Variants in MUC4 observed in about 807,000 individuals in gnomAD.
MUC4 encodes mucin 4, cell surface associated.
A neutral mutation model predicts 257.9 loss-of-function variants in MUC4; 202 were observed. That is an observed-to-expected ratio of 0.78 (90% CI 0.70 to 0.88). The LOEUF (loss-of-function observed/expected upper bound fraction) is 0.88. MUC4 is among the 40% of genes least tolerant of loss of function. MUC4 has a pLI of 0.00. For missense variants in MUC4, 5,976 were observed against 6,513.7 expected (o/e 0.92, Z 2.84); for synonymous variants, 2,351 against 2,757.1 (o/e 0.85, Z 4.62).
At chr3:195,797,218 G>A (rs914880049) in intron 1 of MUC4, among the ~76,000 whole-genome samples, 1 of 151,934 alleles carries the variant, frequency 6.6e-6, no homozygotes, top group Non-Finnish European at 1.5e-5. Context: ...GCAGTGAGCC[G>A]AGATTGTGCC....
In MUC4 at chr3:195,780,858, A is replaced by G. The variant is rs1560313982; in HGVS notation, c.10722T>C (p.Leu3574=). The change falls in exon 2 of 25, where the codon CTT becomes CTC. Residue 3574 remains leucine, a synonymous_variant. Transcript: ENST00000463781. ...TGGTGTCACCTGTGGATACTGAGGA[A>G]AGGCTGGTGACAGGAAGAGGGGTGG... ...GQATPLPVTS[L]SSVSTGDTTP... is the part of the protein sequence containing the mutation. 2.7e-6 allele frequency: 4 copies of G among 1,473,542 alleles called. No homozygotes were observed. Among genetic ancestry groups the G allele is most frequent in the Non-Finnish European group, 3.6e-6 (4 of 1,104,292 alleles). 91.3% of individuals were successfully genotyped at this position (1,473,542 alleles called of 1,614,324 possible).
Position 195,753,285 on chromosome 3 carries a change from C to T in MUC4, c.15329-55G>A. The T allele has an allele frequency of 2.9e-5, 45 of 1,569,228 alleles. 1 individual carries two copies. Among genetic ancestry groups the T allele is most frequent in the Non-Finnish European group, 3.7e-5 (43 of 1,149,026 alleles). On this transcript the variant is annotated intron_variant, in intron 19 of 24. Transcript: ENST00000463781. ...GCGCGCAGGGCAGCAGAGGGACGGCCCAGCCCGTGGAAACCCGCTCCGGGA... is the reference window on the plus strand; with the variant it reads ...GCGCGCAGGGCAGCAGAGGGACGGCTCAGCCCGTGGAAACCCGCTCCGGGA...
At chr3:195,770,719 G>A (rs144257544) in intron 5 of MUC4, 5,377 of 420,874 alleles carry the variant, frequency 0.013, 67 homozygotes, top group South Asian at 0.034. Context: ...ACAGGCGTGA[G>A]TCTCTTCCTC....
chr3:195,778,709 C>T, intron 2 of MUC4, 81 bp downstream of exon 2: 1 of 1,437,308 alleles, frequency 7.0e-7, no homozygotes, highest in Non-Finnish European at 9.4e-7. Flanking sequence ...GCGAATGCAC[C>T]AGTGTTCTCA....
In MUC4 at chr3:195,779,479, G is replaced by T. The variant is rs1404540585; in HGVS notation, c.12101C>A (p.Pro4034His). 2.5e-4 allele frequency: 290 copies of T among 1,163,850 alleles called. 2 individuals are homozygous for T. Among genetic ancestry groups the T allele is most frequent in the East Asian group, 1.5e-3 (42 of 27,814 alleles). 72.1% of individuals were successfully genotyped at this position (1,163,850 alleles called of 1,614,324 possible). A position where few individuals can be genotyped will look rare whatever the true frequency, so the allele number is the denominator to read the frequency against. The stretch of plus-strand genomic sequence containing the variant: ...GGATGCTGAGGAAGTGCTGGTGACA[G>T]GAACAGGGGTGGCGTGACCTGTGGA... ...SASTGHATPV[P>H]VTSTSSASTG... The change falls in exon 2 of 25, where the codon CCT (proline) becomes CAT (histidine). Residue 4034 changes from proline (P) to histidine (H), a missense_variant. Pro to His is a moderately conservative substitution (Grantham distance 77). This residue lies in a region of MUC4 where 293 missense variants were observed against 294.5 expected (regional missense o/e 1.00). Coordinates refer to ENST00000463781, the MANE Select transcript of MUC4 (RefSeq NM_018406.7).
Position 195,786,954 on chromosome 3 carries a change from AGGGCTAGTGACAGGAAG to A in MUC4, c.4609_4625del (p.Leu1537PhefsTer7), listed in dbSNP as rs1732396694. The stretch of plus-strand genomic sequence containing the variant: ...TGGTGTCACCTGTGGATGCTGAGGA[AGGGCTAGTGACAGGAAG>A]AGGCATGGTGTCACCTGTGGATGCT... On this transcript the variant is annotated frameshift_variant, in exon 2 of 25. Coordinates refer to ENST00000463781, the MANE Select transcript of MUC4 (RefSeq NM_018406.7). LOFTEE classifies it high-confidence loss of function. 1 of 945,012 alleles carries A rather than the reference AGGGCTAGTGACAGGAAG, an allele frequency of 1.1e-6. No homozygotes were observed. 58.5% of individuals were successfully genotyped at this position (945,012 alleles called of 1,614,324 possible). A position where few individuals can be genotyped will look rare whatever the true frequency, so the allele number is the denominator to read the frequency against.
intron 1 of MUC4, among the ~76,000 whole-genome samples, chr3:195,811,410 G>A (rs1329753095): frequency 6.6e-6 from 1 of 151,908 alleles, no homozygotes; most frequent in African/African-American, 2.4e-5. Flanking sequence ...CTGACCTCAG[G>A]TGATCTCCTG....
At chr3:195,759,039 T>C in intron 17 of MUC4, 85 bp downstream of exon 17, 1 of 1,513,040 alleles carries the variant, frequency 6.6e-7, no homozygotes, top group Non-Finnish European at 9.0e-7. Flanking sequence ...TTGCTGGGTG[T>C]AGCAATGCAG....
At position 195,755,882 on chromosome 3, in the gene MUC4, C is replaced by T. The variant is rs556434776; in HGVS notation, c.15168+1265G>A. Among the ~76,000 whole-genome samples the T allele has an allele frequency of 9.2e-5, 14 of 151,922 alleles. No homozygotes were observed. The highest frequency in any genetic ancestry group is 3.9e-4 in the East Asian group (2 of 5,176). On this transcript the variant is annotated intron_variant, in intron 18 of 24. Transcript: ENST00000463781. The surrounding 1 kb of genome is among the most constrained non-coding windows in gnomAD (Gnocchi z 5.0). Reference sequence around the variant, plus strand: ...GTGTGTCTGTGTGTGCGTGTGCATGCGTGTGTGTGTAAGTGGTGAAGGAGG... The same window carrying T: ...GTGTGTCTGTGTGTGCGTGTGCATGTGTGTGTGTGTAAGTGGTGAAGGAGG...
chr3:195,746,885 CGTGTGTGT>C lies in MUC4; in HGVS notation c.*283_*290del, dbSNP rs71180950. Reference sequence around the variant, plus strand: ...TAGGGCCATCACCACATTATGAACTCGTGTGTGTGTGTGTGTGTGTGCACGCGCGCGTG... The same window carrying C: ...TAGGGCCATCACCACATTATGAACTCGTGTGTGTGTGTGCACGCGCGCGTG... On this transcript the variant is annotated 3_prime_UTR_variant, in exon 25 of 25. Transcript: ENST00000463781. 9 of 485,412 alleles carry C rather than the reference CGTGTGTGT, an allele frequency of 1.9e-5. No homozygotes were observed. Among genetic ancestry groups the C allele is most frequent in the Admixed American group, 1.1e-4 (3 of 26,772 alleles). 30.1% of individuals were successfully genotyped at this position (485,412 alleles called of 1,614,324 possible).
In MUC4 at chr3:195,746,875, A is replaced by G. The variant is rs566073506; in HGVS notation, c.*301T>C. The G allele has an allele frequency of 1.4e-4, 69 of 477,104 alleles. No individual in the cohort carries two copies. Among genetic ancestry groups the G allele is most frequent in the Middle Eastern group, 1.0e-3 (2 of 1,972 alleles). The allele number at this position is 477,104 out of a possible 1,614,324, so 29.6% of individuals were successfully genotyped here. A position where few individuals can be genotyped will look rare whatever the true frequency, so the allele number is the denominator to read the frequency against. On this transcript the variant is annotated 3_prime_UTR_variant, in exon 25 of 25. Coordinates refer to ENST00000463781, the MANE Select transcript of MUC4 (RefSeq NM_018406.7). The stretch of plus-strand genomic sequence containing the variant: ...TTGCTTAACTTAGGGCCATCACCAC[A>G]TTATGAACTCGTGTGTGTGTGTGTG...
chr3:195,789,627 G>T lies in MUC4; in HGVS notation c.1953C>A (p.Thr651=), dbSNP rs1447239060. Residue 651 remains threonine (T), a synonymous_variant, in exon 2 of 25, where the codon ACC becomes ACA. Coordinates refer to ENST00000463781, the MANE Select transcript of MUC4 (RefSeq NM_018406.7). ...CAGTCATGGGGGAGACGGACCTCGT[G>T]GTTTGTGATTCTTGTGTGGTCTGCG... ...QAPQTTQESQ[T]TRSVSPMTDT... The T allele has an allele frequency of 1.2e-6, 2 of 1,613,896 alleles. No homozygotes were observed. Among genetic ancestry groups the T allele is most frequent in the Admixed American group, 3.3e-5 (2 of 60,002 alleles).
At chr3:195,807,483 A>G (rs1292091032) in intron 1 of MUC4, among the ~76,000 whole-genome samples, 1 of 152,010 alleles carries the variant, frequency 6.6e-6, no homozygotes, top group African/African-American at 2.4e-5. Flanking sequence ...ACAAACAAAC[A>G]AACCCAAAAA....
chr3:195,806,406 C>G (rs1476555267), intron 1 of MUC4, among the ~76,000 whole-genome samples: 1 of 152,194 alleles, frequency 6.6e-6, no homozygotes, highest in Non-Finnish European at 1.5e-5. Context: ...CAGCTCTCAG[C>G]ACACCCTGTA....
At chr3:195,751,594 A>C in intron 21 of MUC4, 1 of 443,798 alleles carries the variant, frequency 2.3e-6, no homozygotes, top group Non-Finnish European at 4.1e-6. Flanking sequence ...TCCCCAGTAT[A>C]TTGAACATGG....
At chr3:195,768,159 T>A (rs373007731) in intron 7 of MUC4, among the ~76,000 whole-genome samples, 4 of 152,150 alleles carry the variant, frequency 2.6e-5, no homozygotes, top group Non-Finnish European at 5.9e-5. Flanking sequence ...CTGGACCGTG[T>A]GAAATTCCTA....
Position 195,781,431 on chromosome 3 carries a change from G to T in MUC4, c.10149C>A (p.Ser3383=). 2.6e-6 allele frequency: 4 copies of T among 1,532,092 alleles called. No homozygotes were observed. The highest frequency in any genetic ancestry group is 3.5e-6 in the Non-Finnish European group (4 of 1,135,516). The allele number at this position is 1,532,092 out of a possible 1,614,324, so 94.9% of individuals were successfully genotyped here. ...GGGTGGCCTGACCTGTGGATGCCGA[G>T]GAAATGTCGGTGACAGGAAGACGGG... ...DTTRLPVTDI[S]SASTGQATPL... is the part of the protein sequence containing the mutation. The change falls in exon 2 of 25, where the codon TCC becomes TCA. Residue 3383 remains serine, a synonymous_variant. Transcript: ENST00000463781.
In MUC4 at chr3:195,808,721, C is replaced by T. The variant is rs527772281; in HGVS notation, c.82+3015G>A. 2.1e-4 allele frequency among the ~76,000 whole-genome samples: 32 copies of T among 152,290 alleles called. 1 individual carries two copies. The highest frequency in any genetic ancestry group is 1.7e-3 in the South Asian group (8 of 4,830). Reference sequence around the variant, plus strand: ...GCTCTTCCCTGTGCACCTTGCTGGTCGTTGGCCAAAATTTGGCTGATGTTC... The same window carrying T: ...GCTCTTCCCTGTGCACCTTGCTGGTTGTTGGCCAAAATTTGGCTGATGTTC... On this transcript the variant is annotated intron_variant, in intron 1 of 24. Transcript: ENST00000463781.
intron 4 of MUC4, among the ~76,000 whole-genome samples, chr3:195,772,375 TCC>T (rs1723116733): frequency 7.6e-6 from 1 of 131,234 alleles, no homozygotes; most frequent in African/African-American, 3.1e-5. Context: ...GTAGACACCC[TCC>T]CTTCATCGCT....
Sources: allele counts gnomAD v4.1 joint callset (sites outside exome capture counted in the v4.1 genomes callset), GRCh38; gene constraint gnomAD v4.1.1; regional missense constraint gnomAD v4.1.1; non-coding constraint Gnocchi (gnomAD v3.1); transcripts MANE v1.5; gene names NCBI Gene and HGNC (gene_info 2026-07-23, HGNC 2026-07-21).